WDFY4: variants seen among roughly 807,000 people sequenced by gnomAD.
The protein encoded by WDFY4 is WD repeat- and FYVE domain-containing protein 4.
WDFY4 carries 169 observed loss-of-function variants against 351.9 expected under a neutral mutation model. That is an observed-to-expected ratio of 0.48 (90% CI 0.42 to 0.55). The LOEUF (loss-of-function observed/expected upper bound fraction) is 0.55, where lower values mean the gene tolerates loss of function less well. Among genes scored for constraint, WDFY4 ranks in the 20% least tolerant of loss-of-function variants. WDFY4 has a pLI of 0.00. For missense variants in WDFY4, 3,803 were observed against 3,935.6 expected, an observed-to-expected ratio of 0.97 and a Z score of 0.90; for synonymous variants, 1,622 against 1,574.6, an observed-to-expected ratio of 1.03 and a Z score of -0.71.
Position 48,969,171 on chromosome 10 carries a change from C to T in WDFY4, c.8692C>T (p.Pro2898Ser). The change falls in exon 56 of 62, where the codon CCT becomes TCT. Residue 2898 changes from proline (P) to serine (S), a missense_variant. Physicochemically the swap from Pro to Ser is moderately conservative, Grantham distance 74 (BLOSUM62 -1). Around this residue, in one of 3 missense-constraint regions of WDFY4, gnomAD observed 3,054 missense variants for 3,148.6 expected, o/e 0.97. Transcript: ENST00000325239. ...TGTAGAGAGGAACAAAGTGCTGCTGCCTCCTCTCTGGAACAGGACCTTCAG... is the reference window on the plus strand; with the variant it reads ...TGTAGAGAGGAACAAAGTGCTGCTGTCTCCTCTCTGGAACAGGACCTTCAG... ...LAVERNKVLL[P>S]PLWNRTFSWG... 1 of 1,551,736 alleles carries T rather than the reference C, an allele frequency of 6.4e-7. No homozygotes were observed. The highest frequency in any genetic ancestry group is 8.7e-7 in the Non-Finnish European group (1 of 1,146,982).
intron 5 of WDFY4, among the ~76,000 whole-genome samples, chr10:48,724,688 C>A (rs757453069): frequency 1.7e-4 from 26 of 152,058 alleles, no homozygotes; most frequent in Admixed American, 5.2e-4. Flanking sequence ...ATATACAGAG[C>A]CCCTACTGTG....
At chr10:48,910,516 A>G (rs1020719347) in intron 47 of WDFY4, among the ~76,000 whole-genome samples, 55 of 152,226 alleles carry the variant, frequency 3.6e-4, no homozygotes, top group Admixed American at 3.5e-3. Context: ...ACCAACATCA[A>G]ACCTTTTCCT....
At chr10:48,787,893 C>T (rs11101483) in intron 20 of WDFY4, among the ~76,000 whole-genome samples, 3,908 of 47,690 alleles carry the variant, frequency 0.082, 617 homozygotes, top group East Asian at 0.19. Flanking sequence ...TTCTTCTTCT[C>T]CTTCTTCTTC....
intron 47 of WDFY4, among the ~76,000 whole-genome samples, chr10:48,926,702 A>G (rs1228461581): frequency 1.3e-5 from 2 of 152,224 alleles, no homozygotes; most frequent in Non-Finnish European, 2.9e-5. Context: ...ATATATACAA[A>G]TAGTATGAAT....
At chr10:48,717,928 G>A (rs548522634) in intron 2 of WDFY4, among the ~76,000 whole-genome samples, 2 of 152,306 alleles carry the variant, frequency 1.3e-5, no homozygotes, top group East Asian at 1.9e-4. Flanking sequence ...GAAATTGCCA[G>A]GTGGTAGAGT....
Position 48,913,218 on chromosome 10 carries a change from G to A in WDFY4, c.7586+11355G>A, listed in dbSNP as rs186201268. Among the ~76,000 whole-genome samples the A allele has an allele frequency of 3.8e-3, 586 of 152,260 alleles. 6 individuals carry two copies. Among genetic ancestry groups the A allele is most frequent in the Admixed American group, 0.011 (162 of 15,292 alleles). On this transcript the variant is annotated intron_variant, in intron 47 of 61. Transcript: ENST00000325239. The stretch of plus-strand genomic sequence containing the variant: ...TGTGTGGAATGGCAAGGAATCAAAA[G>A]CCCTTCAATCAACACAATCACACGC...
intron 1 of WDFY4, among the ~76,000 whole-genome samples, chr10:48,696,594 G>A (rs949202103): frequency 3.3e-5 from 5 of 152,262 alleles, no homozygotes; most frequent in Non-Finnish European, 7.3e-5. Context: ...TCAGCGGCCA[G>A]CCCAGGGGGA....
At position 48,769,079 on chromosome 10, in the gene WDFY4, C is replaced by A. The variant is rs537332245; in HGVS notation, c.2554-5379C>A. On this transcript the variant is annotated intron_variant, in intron 13 of 61. Transcript: ENST00000325239. ...TTCTGTTTACAGGACGAATTGCCCA[C>A]CATCTGCATGTAATTTGGAAAGGAA... is the stretch of plus-strand genomic sequence containing the variant. Among the ~76,000 whole-genome samples the A allele has an allele frequency of 2.4e-4, 37 of 152,286 alleles. 1 individual carries two copies. The South Asian group carries it at 6.4e-3, about 26-fold the overall frequency.
chr10:48,851,829 C>T (rs1447883054), intron 39 of WDFY4, among the ~76,000 whole-genome samples: 1 of 152,212 alleles, frequency 6.6e-6, no homozygotes, highest in South Asian at 2.1e-4. Context: ...AAGTGACCCT[C>T]CATGGAGATG....
At chr10:48,763,270 A>C (rs2065568232) in intron 13 of WDFY4, among the ~76,000 whole-genome samples, 1 of 152,174 alleles carries the variant, frequency 6.6e-6, no homozygotes, top group Non-Finnish European at 1.5e-5. Context: ...GCTTTCTAAG[A>C]TTGTGGTGAT....
rs537942488 is a variant in WDFY4, at chr10:48,768,468, CT to C, written c.2554-5987del. On this transcript the variant is annotated intron_variant, in intron 13 of 61. Transcript: ENST00000325239. ...GCCCCGCCTTCACATGTGCTGTTTCCTTTCCCCGAAAGCCCATTTTCCTCAC... is the reference window on the plus strand; with the variant it reads ...GCCCCGCCTTCACATGTGCTGTTTCCTTCCCCGAAAGCCCATTTTCCTCAC... Among the ~76,000 whole-genome samples the C allele has an allele frequency of 2.6e-4, 39 of 152,284 alleles. No individual in the cohort carries two copies. In the East Asian group the frequency reaches 6.7e-3, roughly 26 times the overall value.
chr10:48,959,731 A>G lies in WDFY4; in HGVS notation c.8141A>G (p.Gln2714Arg). Residue 2714 changes from glutamine to arginine, a missense_variant, in exon 53 of 62, where the codon CAG (glutamine) becomes CGG (arginine). Gln to Arg is a conservative substitution (Grantham distance 43, BLOSUM62 1). Around this residue, in one of 3 missense-constraint regions of WDFY4, gnomAD observed 3,054 missense variants for 3,148.6 expected, o/e 0.97. Coordinates refer to ENST00000325239, the MANE Select transcript of WDFY4 (RefSeq NM_001394531.1). ...NCNGVEFGCMQDGTVLGDVQL... is the reference protein window; with the variant it reads ...NCNGVEFGCMRDGTVLGDVQL... The stretch of plus-strand genomic sequence containing the variant: ...TTCTCATCCCATGCAGGCTGCATGC[A>G]GGACGGGACTGTGCTAGGAGACGTG... The G allele has an allele frequency of 3.9e-6, 6 of 1,551,562 alleles. 1 individual carries two copies. The South Asian group carries it at 4.8e-5, about 12-fold the overall frequency.
At chr10:48,714,289 A>T (rs186935525) in intron 2 of WDFY4, among the ~76,000 whole-genome samples, 1 of 152,296 alleles carries the variant, frequency 6.6e-6, no homozygotes, top group East Asian at 1.9e-4. Flanking sequence ...GACTCACTGG[A>T]CAATGGCTTT....
chr10:48,870,868 G>A (rs2069743927), intron 40 of WDFY4, among the ~76,000 whole-genome samples: 1 of 152,028 alleles, frequency 6.6e-6, no homozygotes, highest in Non-Finnish European at 1.5e-5. Flanking sequence ...CAACATGTGT[G>A]CTCTGTGATG....
intron 9 of WDFY4, among the ~76,000 whole-genome samples, chr10:48,732,351 C>T (rs1251538422): frequency 6.6e-6 from 1 of 152,196 alleles, no homozygotes; most frequent in African/African-American, 2.4e-5. Flanking sequence ...ACACCTGCTG[C>T]TCTGGGAAAT....
At chr10:48,731,660 G>T in intron 9 of WDFY4, 98 bp downstream of exon 9, 1 of 1,341,342 alleles carries the variant, frequency 7.5e-7, no homozygotes, top group Non-Finnish European at 1.0e-6. Flanking sequence ...AACAGAAAGT[G>T]AGCATGCCCA....
intron 52 of WDFY4, among the ~76,000 whole-genome samples, chr10:48,958,286 G>T (rs1032679362): frequency 6.6e-6 from 1 of 152,214 alleles, no homozygotes; most frequent in Admixed American, 6.5e-5. Context: ...TGTTCAAATC[G>T]TTAGACACCT....
At chr10:48,719,798 A>G (rs2064019935) in intron 2 of WDFY4, among the ~76,000 whole-genome samples, 1 of 152,144 alleles carries the variant, frequency 6.6e-6, no homozygotes, top group Admixed American at 6.5e-5. Flanking sequence ...GCTCGTGTTC[A>G]GGTGGATGTC....
chr10:48,720,672 C>T (rs748374387), intron 3 of WDFY4, among the ~76,000 whole-genome samples: 5 of 152,058 alleles, frequency 3.3e-5, no homozygotes, highest in African/African-American at 9.7e-5. Flanking sequence ...ACAGAACACA[C>T]GGGACCACGG....
Sources: allele counts gnomAD v4.1 joint callset (sites outside exome capture counted in the v4.1 genomes callset), GRCh38; gene constraint gnomAD v4.1.1; regional missense constraint gnomAD v4.1.1; transcripts MANE v1.5; gene names NCBI Gene and HGNC (gene_info 2026-07-23, HGNC 2026-07-21).